Variants in SNX29 observed in about 807,000 individuals in gnomAD.
SNX29 encodes sorting nexin-29.
In SNX29, 78 loss-of-function variants were observed where a neutral mutation model predicts 102.1. The ratio of observed to expected loss-of-function variants is 0.76; its 90% confidence interval spans 0.64 to 0.92. The LOEUF is 0.92. SNX29 is among the 40% of genes least tolerant of loss of function. The probability of loss-of-function intolerance (pLI) is 0.00; values close to 1 mark genes in which losing one functional copy is unlikely to be tolerated. For missense variants in SNX29, 1,280 were observed against 1,061.7 expected, an observed-to-expected ratio of 1.21 and a Z score of -2.86; for synonymous variants, 580 against 414.5, an observed-to-expected ratio of 1.40 and a Z score of -4.85.
At chr16:12,283,311 G>T (rs979574381) in intron 15 of SNX29, among the ~76,000 whole-genome samples, 43 of 140,400 alleles carry the variant, frequency 3.1e-4, no homozygotes, top group Admixed American at 5.0e-4. Context: ...AGATGGAGTT[G>T]TTTTTTTTTT....
At position 12,188,106 on chromosome 16, in the gene SNX29, G is replaced by A. The variant is rs187809337; in HGVS notation, c.1596-11495G>A. 1.1e-4 allele frequency among the ~76,000 whole-genome samples: 16 copies of A among 152,238 alleles called. No homozygotes were observed. In the East Asian group the frequency reaches 2.7e-3, roughly 26 times the overall value. On this transcript the variant is annotated intron_variant, in intron 13 of 20. Transcript: ENST00000566228. The stretch of plus-strand genomic sequence containing the variant: ...GGAGAAAATAGTCCTCCTTGATTTG[G>A]AATATGATGACACTGGAGCCCTGGT...
chr16:12,144,474 A>G (rs2054978893), intron 13 of SNX29, among the ~76,000 whole-genome samples: 1 of 152,200 alleles, frequency 6.6e-6, no homozygotes, highest in Non-Finnish European at 1.5e-5. Flanking sequence ...TTAGACCATG[A>G]GCGCTCCACC....
rs962880879 is a variant in SNX29 at position 12,571,093 on chromosome 16, G to A, written c.*2464G>A. ...CCGCACATGACAGCAACTCCCCGAA[G>A]CCTTCCCTTTGGAATCCCATAGAAT... On this transcript the variant is annotated 3_prime_UTR_variant, in exon 21 of 21. Coordinates refer to ENST00000566228, the MANE Select transcript of SNX29 (RefSeq NM_032167.5). 1 of 232,506 alleles carries A rather than the reference G, an allele frequency of 4.3e-6. No individual in the cohort carries two copies. Among genetic ancestry groups the A allele is most frequent in the East Asian group, 6.1e-5 (1 of 16,520 alleles). The allele number at this position is 232,506 out of a possible 1,614,324, so 14.4% of individuals were successfully genotyped here.
At chr16:12,213,434 T>G (rs1291636980) in intron 14 of SNX29, among the ~76,000 whole-genome samples, 1 of 152,194 alleles carries the variant, frequency 6.6e-6, no homozygotes, top group Admixed American at 6.5e-5. Flanking sequence ...ACACAGTTCA[T>G]TCAAGTCACC....
chr16:12,548,544 C>T (rs373947710), intron 20 of SNX29, among the ~76,000 whole-genome samples: 3 of 152,188 alleles, frequency 2.0e-5, no homozygotes, highest in East Asian at 1.9e-4. Flanking sequence ...TCTGGGAATT[C>T]CCTCTAGGGA....
intron 14 of SNX29, among the ~76,000 whole-genome samples, chr16:12,237,340 G>A (rs1401136340): frequency 6.6e-6 from 1 of 152,262 alleles, no homozygotes; most frequent in East Asian, 1.9e-4. Context: ...CTGTCTGGGA[G>A]TGGGCAGTTT....
intron 14 of SNX29, among the ~76,000 whole-genome samples, chr16:12,218,987 G>A (rs1469507532): frequency 6.6e-6 from 1 of 152,090 alleles, no homozygotes; most frequent in African/African-American, 2.4e-5. Context: ...TGTTAGCCAG[G>A]TTGGTCTCGA....
intron 15 of SNX29, among the ~76,000 whole-genome samples, chr16:12,290,390 G>C (rs1267088054): frequency 6.6e-6 from 1 of 152,054 alleles, no homozygotes; most frequent in Non-Finnish European, 1.5e-5. Flanking sequence ...TGATCTTTCA[G>C]ATCTCATCCT....
At position 12,569,497 on chromosome 16, in the gene SNX29, G is replaced by A. The variant is rs537675672; in HGVS notation, c.*868G>A. ...AGGGAACCACTGCAGAAGGTTCCAG[G>A]GTTTTCAAACCAGGCTCCATGACTA... On this transcript the variant is annotated 3_prime_UTR_variant, in exon 21 of 21. Transcript: ENST00000566228. 4.2e-4 allele frequency: 98 copies of A among 231,600 alleles called. 2 individuals carry two copies. In the South Asian group the frequency reaches 0.017, roughly 40 times the overall value. 14.3% of individuals were successfully genotyped at this position (231,600 alleles called of 1,614,324 possible).
At chr16:12,310,919 A>T (rs1390423501) in intron 15 of SNX29, among the ~76,000 whole-genome samples, 1 of 152,232 alleles carries the variant, frequency 6.6e-6, no homozygotes, top group Admixed American at 6.5e-5. Context: ...AATAACGAAG[A>T]AGTAGCACAT....
intron 10 of SNX29, among the ~76,000 whole-genome samples, chr16:12,076,296 C>T (rs544183830): frequency 6.7e-4 from 99 of 148,652 alleles, no homozygotes; most frequent in African/African-American, 2.4e-3. Context: ...GCCATCTTGG[C>T]TCCTCCCTTT....
intron 16 of SNX29, among the ~76,000 whole-genome samples, chr16:12,390,873 C>G (rs2083504868): frequency 6.8e-6 from 1 of 146,514 alleles, no homozygotes; most frequent in Admixed American, 6.8e-5. Context: ...AAGTCTTGTT[C>G]AGTCTTTAAA....
chr16:12,224,019 C>G (rs1481246465), intron 14 of SNX29, among the ~76,000 whole-genome samples: 2 of 152,328 alleles, frequency 1.3e-5, no homozygotes, highest in South Asian at 4.1e-4. Context: ...GGTCTCCTCA[C>G]TCCAGAGCCA....
intron 18 of SNX29, among the ~76,000 whole-genome samples, chr16:12,417,696 CCT>C (rs2084698031): frequency 6.6e-6 from 1 of 151,230 alleles, no homozygotes. Context: ...TGTTCTGTGT[CCT>C]CTCTTCTCTT....
intron 4 of SNX29, among the ~76,000 whole-genome samples, chr16:12,028,801 T>C (rs969983935): frequency 3.3e-5 from 5 of 152,144 alleles, no homozygotes; most frequent in African/African-American, 1.2e-4. Context: ...CAGGCTGGAG[T>C]GCAATGGCAC....
At chr16:12,556,072 C>A (rs1473551784) in intron 20 of SNX29, among the ~76,000 whole-genome samples, 1 of 145,954 alleles carries the variant, frequency 6.9e-6, no homozygotes, top group South Asian at 2.3e-4. Flanking sequence ...TCTTATTAAT[C>A]TTATAGAATT....
intron 18 of SNX29, among the ~76,000 whole-genome samples, chr16:12,423,958 A>T (rs988088989): frequency 1.3e-5 from 2 of 152,202 alleles, no homozygotes; most frequent in Non-Finnish European, 2.9e-5. Flanking sequence ...GGTGTCGGGG[A>T]TAGTCCTGTT....
intron 14 of SNX29, among the ~76,000 whole-genome samples, chr16:12,208,960 GA>G (rs918391060): frequency 4.6e-5 from 7 of 152,168 alleles, no homozygotes; most frequent in Admixed American, 1.3e-4. Flanking sequence ...GGGGCTGGTA[GA>G]AGGTCTGTTC....
chr16:12,549,672 G>T (rs1179015339), intron 20 of SNX29, among the ~76,000 whole-genome samples: 1 of 152,208 alleles, frequency 6.6e-6, no homozygotes, highest in African/African-American at 2.4e-5. Flanking sequence ...GCAGTCCCAA[G>T]GCCCGGCATC....
Sources: allele counts gnomAD v4.1 joint callset (sites outside exome capture counted in the v4.1 genomes callset), GRCh38; gene constraint gnomAD v4.1.1; transcripts MANE v1.5; gene names NCBI Gene and HGNC (gene_info 2026-07-23, HGNC 2026-07-21).